MYT1: variants seen among roughly 807,000 people sequenced by gnomAD.
The protein encoded by MYT1 is myelin transcription factor 1.
A neutral mutation model predicts 123.0 loss-of-function variants in MYT1; 23 were observed. The ratio of observed to expected loss-of-function variants is 0.19; its 90% confidence interval spans 0.13 to 0.26. MYT1 has a LOEUF of 0.26. Among genes scored for constraint, MYT1 ranks in the 10% least tolerant of loss-of-function variants. MYT1 has a pLI of 1.00. For missense variants in MYT1, 1,125 were observed against 1,472.5 expected, an observed-to-expected ratio of 0.76 and a Z score of 3.86; for synonymous variants, 518 against 575.3, an observed-to-expected ratio of 0.90 and a Z score of 1.43.
rs996479501 is a variant in MYT1, at chr20:64,164,565, G to A, written c.-273G>A. 2 of 152,112 alleles carry A rather than the reference G, an allele frequency of 1.3e-5. No individual in the cohort carries two copies. Among genetic ancestry groups the A allele is most frequent in the Non-Finnish European group, 2.9e-5 (2 of 68,024 alleles). The allele number at this position is 152,112 out of a possible 1,614,324, so 9.4% of individuals were successfully genotyped here. A position where few individuals can be genotyped will look rare whatever the true frequency, so the allele number is the denominator to read the frequency against. Reference sequence around the variant, plus strand: ...CTGGCTTAGGAGTTCGCACACTAAGGGGAGAAGATATTTAATTGAAACCCG... The same window carrying A: ...CTGGCTTAGGAGTTCGCACACTAAGAGGAGAAGATATTTAATTGAAACCCG... On this transcript the variant is annotated 5_prime_UTR_variant, in exon 1 of 23. Coordinates refer to ENST00000328439, the MANE Select transcript of MYT1 (RefSeq NM_004535.3).
intron 1 of MYT1, among the ~76,000 whole-genome samples, chr20:64,170,600 G>A (rs752753676): frequency 4.6e-5 from 7 of 151,794 alleles, no homozygotes; most frequent in African/African-American, 7.3e-5. Flanking sequence ...GATCAAGTCC[G>A]CCTAGATAAA....
intron 13 of MYT1, among the ~76,000 whole-genome samples, chr20:64,220,709 C>T (rs1239372167): frequency 6.6e-6 from 1 of 152,228 alleles, no homozygotes; most frequent in Non-Finnish European, 1.5e-5. Flanking sequence ...CTTCCCCTCC[C>T]CCAAAGCCCC....
At chr20:64,184,120 G>A (rs1194944768) in intron 1 of MYT1, among the ~76,000 whole-genome samples, 1 of 152,092 alleles carries the variant, frequency 6.6e-6, no homozygotes, top group Admixed American at 6.5e-5. Context: ...GCTCCCGGCC[G>A]ACAGTGTTAT....
chr20:64,193,120 T>C lies in MYT1; in HGVS notation c.-1+2960T>C, dbSNP rs1171198744. Among the ~76,000 whole-genome samples, 4 of 152,110 alleles carry C rather than the reference T, an allele frequency of 2.6e-5. No homozygotes were observed. Among genetic ancestry groups the C allele is most frequent in the African/African-American group, 9.7e-5 (4 of 41,404 alleles). ...TTCTGCTGAATTTGTTGGGAGAATT[T>C]CAGAATTTCAGACATGCAACAGGAC... On this transcript the variant is annotated intron_variant, in intron 2 of 22. Coordinates refer to ENST00000328439, the MANE Select transcript of MYT1 (RefSeq NM_004535.3). The surrounding 1 kb of genome is among the most constrained non-coding windows in gnomAD (Gnocchi z 4.0).
At chr20:64,205,825 G>A (rs371725469) in intron 6 of MYT1, 25 bp downstream of exon 6, 20 of 1,609,892 alleles carry the variant, frequency 1.2e-5, no homozygotes, top group Admixed American at 1.0e-4. Context: ...TTTCTTCCCC[G>A]AATAAAGGGC....
Position 64,213,031 on chromosome 20 carries a change from G to A in MYT1, c.1518-503G>A, listed in dbSNP as rs1356645297. On this transcript the variant is annotated intron_variant, in intron 9 of 22. Coordinates refer to ENST00000328439, the MANE Select transcript of MYT1 (RefSeq NM_004535.3). The surrounding 1 kb of genome is among the most constrained non-coding windows in gnomAD (Gnocchi z 5.6). ...TGACAGATGAAGCTGCTGCCTCCGT[G>A]TCTTAGACTGAGTACTTTCCTGGGC... Among the ~76,000 whole-genome samples the A allele has an allele frequency of 6.6e-6, 1 of 152,186 alleles. No homozygotes were observed. The highest frequency in any genetic ancestry group is 6.5e-5 in the Admixed American group (1 of 15,274).
intron 13 of MYT1, among the ~76,000 whole-genome samples, chr20:64,220,659 G>A (rs1215303353): frequency 1.3e-5 from 2 of 152,280 alleles, no homozygotes; most frequent in Admixed American, 1.3e-4. Flanking sequence ...CCAGGCGGCA[G>A]CAGCCGCGTG....
chr20:64,235,323 C>A (rs1601726315), intron 19 of MYT1, among the ~76,000 whole-genome samples: 2 of 106,970 alleles, frequency 1.9e-5, no homozygotes, highest in Admixed American at 9.3e-5. Context: ...GGTGGGTGAC[C>A]CTGGGCTGGC....
At chr20:64,182,266 A>C (rs1982674873) in intron 1 of MYT1, among the ~76,000 whole-genome samples, 2 of 152,240 alleles carry the variant, frequency 1.3e-5, no homozygotes, top group East Asian at 1.9e-4. Context: ...AAAGCTAAGA[A>C]GGCCTGCCCT....
intron 1 of MYT1, among the ~76,000 whole-genome samples, chr20:64,172,952 C>G (rs545223386): frequency 6.6e-6 from 1 of 152,148 alleles, no homozygotes; most frequent in South Asian, 2.1e-4. Flanking sequence ...TGGTCTTTAA[C>G]TCCTGCCCTC....
At chr20:64,173,726 G>A (rs1417736064) in intron 1 of MYT1, among the ~76,000 whole-genome samples, 1 of 92,338 alleles carries the variant, frequency 1.1e-5, no homozygotes, top group East Asian at 3.8e-4. Flanking sequence ...TCCCCTCCCT[G>A]ACTTCTCCTC....
intron 1 of MYT1, among the ~76,000 whole-genome samples, chr20:64,170,878 TATATATAGAGAGAGAGAG>T (rs1300337750): frequency 4.9e-4 from 27 of 55,618 alleles, no homozygotes; most frequent in African/African-American, 7.5e-4. Context: ...TATATATATA[TATATATAGAGAGAGAGAG>T]AGAGAGAGAG....
chr20:64,216,108 T>C (rs1983832043), intron 10 of MYT1, among the ~76,000 whole-genome samples: 1 of 152,200 alleles, frequency 6.6e-6, no homozygotes, highest in Non-Finnish European at 1.5e-5. Context: ...GGCTCTGTTC[T>C]TAGTCCACAC....
At chr20:64,194,676 G>A (rs1456919389) in intron 2 of MYT1, among the ~76,000 whole-genome samples, 2 of 152,230 alleles carry the variant, frequency 1.3e-5, no homozygotes, top group East Asian at 1.9e-4. Flanking sequence ...AGACAGAGAG[G>A]GAGTCCGTGA....
At chr20:64,222,174 G>T (rs932072414) in intron 14 of MYT1, 127 bp downstream of exon 14, 3 of 1,007,286 alleles carry the variant, frequency 3.0e-6, no homozygotes, top group Non-Finnish European at 4.3e-6. Flanking sequence ...TGACCACCTC[G>T]AGCCAGGCAG....
At position 64,191,982 on chromosome 20, in the gene MYT1, C is replaced by G. The variant is rs1194962519; in HGVS notation, c.-1+1822C>G. On this transcript the variant is annotated intron_variant, in intron 2 of 22. Coordinates refer to ENST00000328439, the MANE Select transcript of MYT1 (RefSeq NM_004535.3). This position sits in a 1 kb window ranked among gnomAD's most constrained non-coding sequence, Gnocchi z 4.1. ...TGAGATCATGTGAGCATGAACGTTACTTGACTTGAGGCCAGGGGCTCTGCA... is the reference window on the plus strand; with the variant it reads ...TGAGATCATGTGAGCATGAACGTTAGTTGACTTGAGGCCAGGGGCTCTGCA... 1 of 152,194 alleles carries G rather than the reference C, an allele frequency of 6.6e-6. No homozygotes were observed. The highest frequency in any genetic ancestry group is 2.4e-5 in the African/African-American group (1 of 41,444). 9.4% of individuals were successfully genotyped at this position (152,194 alleles called of 1,614,324 possible). A position where few individuals can be genotyped will look rare whatever the true frequency, so the allele number is the denominator to read the frequency against.
Position 64,219,794 on chromosome 20 carries a change from A to G in MYT1, c.2053A>G (p.Ser685Gly). 1 of 1,613,698 alleles carries G rather than the reference A, an allele frequency of 6.2e-7. No homozygotes were observed. The highest frequency in any genetic ancestry group is 1.3e-5 in the African/African-American group (1 of 75,046). Residue 685 changes from serine to glycine, a missense_variant, in exon 13 of 23, where the codon AGC becomes GGC. Around this residue, in one of 4 missense-constraint regions of MYT1, gnomAD observed 429 missense variants for 604.1 expected, o/e 0.71. Transcript: ENST00000328439. ...CCGCAAACGAGAAAATGCTTTCCCCAGCAGCAGCAGCTGCAGCAGCAGCCC... is the reference window on the plus strand; with the variant it reads ...CCGCAAACGAGAAAATGCTTTCCCCGGCAGCAGCAGCTGCAGCAGCAGCCC... ...KHRKRENAFP[S>G]SSSCSSSPGV...
intron 4 of MYT1, among the ~76,000 whole-genome samples, chr20:64,200,997 G>A (rs925458952): frequency 2.6e-5 from 4 of 152,184 alleles, no homozygotes; most frequent in East Asian, 1.9e-4. Flanking sequence ...TGATTGCGAC[G>A]GCGAGAGATG....
At chr20:64,227,500 T>C (rs770007206) in intron 17 of MYT1, 23 bp downstream of exon 17, 3 of 1,609,140 alleles carry the variant, frequency 1.9e-6, no homozygotes, top group Non-Finnish European at 2.5e-6. Flanking sequence ...CACCCTCAGG[T>C]CCTGGGCCCC....
Sources: gnomAD v4.1 joint callset for allele counts (sites outside exome capture counted in the v4.1 genomes callset) on GRCh38, gnomAD v4.1.1 for gene constraint, gnomAD v4.1.1 regional missense constraint, Gnocchi (gnomAD v3.1) non-coding constraint, MANE v1.5 for transcripts, NCBI Gene and HGNC (gene_info 2026-07-23, HGNC 2026-07-21) for gene names.